Variants in GNB1L observed in about 807,000 individuals in gnomAD.
GNB1L encodes G protein subunit beta 1 like.
In GNB1L, 20 loss-of-function variants were observed where a neutral mutation model predicts 29.1. The observed-to-expected ratio is 0.69, with a 90% CI of 0.48 to 1.00. The LOEUF is 1.00. Ranked by LOEUF, GNB1L falls within the 50% of genes least tolerant of loss-of-function variation. The probability of loss-of-function intolerance (pLI) is 0.00; values close to 1 mark genes in which losing one functional copy is unlikely to be tolerated. For synonymous variants in GNB1L, 193 were observed against 206.5 expected (o/e 0.93, Z 0.56); for missense variants, 421 against 464.9 (o/e 0.91, Z 0.87).
At chr22:19,822,054 G>A (rs1186446994) in intron 2 of GNB1L, among the ~76,000 whole-genome samples, 2 of 152,264 alleles carry the variant, frequency 1.3e-5, no homozygotes, top group East Asian at 1.9e-4. Context: ...GGGTCCCGGG[G>A]GGCTGCTAGG....
rs1937569241 is a variant in GNB1L, at chr22:19,820,492, T to C, written c.254+106A>G. The C allele has an allele frequency of 1.6e-6, 2 of 1,271,178 alleles. 1 individual carries two copies. The highest frequency in any genetic ancestry group is 3.0e-5 in the African/African-American group (2 of 67,244). 78.7% of individuals were successfully genotyped at this position (1,271,178 alleles called of 1,614,324 possible). ...CGGACCCTTTGCTGGCCCCTTCTGG[T>C]TCCCCCACCCCATTCTGCCCCTCAG... is the stretch of plus-strand genomic sequence containing the variant. On this transcript the variant is annotated intron_variant, in intron 4 of 7. Coordinates refer to ENST00000329517, the MANE Select transcript of GNB1L (RefSeq NM_053004.3).
intron 2 of GNB1L, among the ~76,000 whole-genome samples, chr22:19,824,231 A>G (rs1478447696): frequency 6.6e-6 from 1 of 152,268 alleles, no homozygotes; most frequent in East Asian, 1.9e-4. Context: ...TTCCCATGAC[A>G]ATATCCTAGG....
intron 2 of GNB1L, among the ~76,000 whole-genome samples, chr22:19,843,695 C>T (rs951104855): frequency 2.6e-5 from 4 of 152,314 alleles, no homozygotes; most frequent in South Asian, 2.1e-4. Context: ...GAGGGGAACC[C>T]GAGCCCCGGC....
At chr22:19,807,784 G>A (rs1937453308) in intron 5 of GNB1L, among the ~76,000 whole-genome samples, 1 of 152,198 alleles carries the variant, frequency 6.6e-6, no homozygotes, top group South Asian at 2.1e-4. Context: ...CAGAGGGATC[G>A]TGTCTTAGGG....
intron 7 of GNB1L, chr22:19,792,801 T>C (rs1937266772): frequency 7.3e-7 from 1 of 1,365,132 alleles, no homozygotes; most frequent in African/African-American, 1.4e-5. Flanking sequence ...GGTTGTCTTC[T>C]TGCCTGCCTT....
chr22:19,854,350 C>G (rs1332117806), intron 2 of GNB1L, 93 bp downstream of exon 2: 1 of 152,780 alleles, frequency 6.5e-6, no homozygotes, highest in Non-Finnish European at 1.5e-5. Flanking sequence ...TTAAAGCAAG[C>G]TGAGTGCAGA....
intron 4 of GNB1L, 27 bp downstream of exon 4, chr22:19,820,571 C>A (rs777888950): frequency 5.0e-6 from 8 of 1,601,424 alleles, no homozygotes; most frequent in African/African-American, 2.7e-5. Context: ...GAAGGCCATA[C>A]CTGGCTCCTG....
rs996060622 is a variant in GNB1L at position 19,802,367 on chromosome 22, C to T, written c.517-151G>A. The stretch of plus-strand genomic sequence containing the variant: ...TGGCTGCCACAGCTCAGAAGCTCTG[C>T]ACCGCCAGTGCCCTCCCACACAGCC... On this transcript the variant is annotated intron_variant, in intron 6 of 7. Transcript: ENST00000329517. 36 of 650,048 alleles carry T rather than the reference C, an allele frequency of 5.5e-5. No individual in the cohort carries two copies. In the East Asian group the frequency reaches 7.6e-4, roughly 14 times the overall value. 40.3% of individuals were successfully genotyped at this position (650,048 alleles called of 1,614,324 possible).
At chr22:19,796,294 C>T (rs73148919) in intron 7 of GNB1L, among the ~76,000 whole-genome samples, 17,483 of 152,214 alleles carry the variant, frequency 0.11, 1,583 homozygotes, top group East Asian at 0.45. Context: ...GGGAACAGGA[C>T]AGGCCTCTCT....
intron 2 of GNB1L, among the ~76,000 whole-genome samples, chr22:19,829,987 G>A (rs1937657677): frequency 6.6e-6 from 1 of 152,088 alleles, no homozygotes; most frequent in Non-Finnish European, 1.5e-5. Context: ...TATAAGCCAA[G>A]GCAATTAGTC....
At chr22:19,791,111 T>C (rs908703738) in intron 7 of GNB1L, among the ~76,000 whole-genome samples, 2 of 152,210 alleles carry the variant, frequency 1.3e-5, no homozygotes, top group Non-Finnish European at 2.9e-5. Context: ...CATGCACCTG[T>C]AGTCCCAGCT....
At chr22:19,799,044 A>G (rs1937338721) in intron 7 of GNB1L, among the ~76,000 whole-genome samples, 1 of 152,204 alleles carries the variant, frequency 6.6e-6, no homozygotes, top group South Asian at 2.1e-4. Flanking sequence ...CTCTAAAGGG[A>G]AGCCTCTGGC....
intron 2 of GNB1L, among the ~76,000 whole-genome samples, chr22:19,833,510 A>G (rs1937713414): frequency 6.6e-6 from 1 of 152,066 alleles, no homozygotes; most frequent in Non-Finnish European, 1.5e-5. Flanking sequence ...GGCTGCAGTG[A>G]GCTATGATCG....
At chr22:19,823,872 C>T (rs976634803) in intron 2 of GNB1L, among the ~76,000 whole-genome samples, 1 of 152,228 alleles carries the variant, frequency 6.6e-6, no homozygotes, top group Non-Finnish European at 1.5e-5. Context: ...CAGACTCAGA[C>T]ACTCAGGCAC....
intron 2 of GNB1L, among the ~76,000 whole-genome samples, chr22:19,831,608 G>T (rs1045435557): frequency 2.0e-5 from 3 of 151,032 alleles, no homozygotes; most frequent in Non-Finnish European, 4.4e-5. Context: ...GGAGAATGGC[G>T]TGAACCCGGG....
chr22:19,820,552 G>A lies in GNB1L; in HGVS notation c.254+46C>T, dbSNP rs761056471. ...CCAGAGCCTCCATCAGAGAGTTCCT[G>A]ACTCCCCCGAAGGCCATACCTGGCT... On this transcript the variant is annotated intron_variant, in intron 4 of 7. Coordinates refer to ENST00000329517, the MANE Select transcript of GNB1L (RefSeq NM_053004.3). 18 of 1,580,748 alleles carry A rather than the reference G, an allele frequency of 1.1e-5. No individual in the cohort carries two copies. In the East Asian group the frequency reaches 3.2e-4, roughly 28 times the overall value.
intron 7 of GNB1L, among the ~76,000 whole-genome samples, chr22:19,799,604 C>T (rs570081995): frequency 6.6e-6 from 1 of 152,356 alleles, no homozygotes; most frequent in Non-Finnish European, 1.5e-5. Context: ...GTCTCTACTC[C>T]CAGCACCCGC....
chr22:19,807,813 GAGA>G (rs1249914654), intron 5 of GNB1L, among the ~76,000 whole-genome samples: 1 of 152,156 alleles, frequency 6.6e-6, no homozygotes, highest in Non-Finnish European at 1.5e-5. Flanking sequence ...CTCTGTGGGT[GAGA>G]AGCTTGCTGC....
In GNB1L at chr22:19,850,501, G is replaced by C. The variant is rs533064689; in HGVS notation, c.-21+3942C>G. 41 of 1,045,202 alleles carry C rather than the reference G, an allele frequency of 3.9e-5. 1 individual carries two copies. In the South Asian group the frequency reaches 1.6e-3, roughly 42 times the overall value. 64.7% of individuals were successfully genotyped at this position (1,045,202 alleles called of 1,614,324 possible). The stretch of plus-strand genomic sequence containing the variant: ...GTTAACACACAAAGGGCGAATGCCT[G>C]CAGCTGAGCCTGGCAAGGGGCTTGC... On this transcript the variant is annotated intron_variant, in intron 2 of 7. Transcript: ENST00000329517.
Sources: allele counts gnomAD v4.1 joint callset (sites outside exome capture counted in the v4.1 genomes callset), GRCh38; gene constraint gnomAD v4.1.1; transcripts MANE v1.5; gene names NCBI Gene and HGNC (gene_info 2026-07-23, HGNC 2026-07-21).